CMPK1: variants seen among roughly 807,000 people sequenced by gnomAD.
CMPK1 encodes the protein UMP-CMP kinase.
A neutral mutation model predicts 25.7 loss-of-function variants in CMPK1; 10 were observed. The observed-to-expected ratio is 0.39, with a 90% CI of 0.24 to 0.66. The LOEUF is 0.66. CMPK1 is among the 30% of genes least tolerant of loss of function. The pLI, the probability that CMPK1 is intolerant of heterozygous loss-of-function variation, is 0.48. For missense variants in CMPK1, 199 were observed against 280.5 expected, an observed-to-expected ratio of 0.71 and a Z score of 2.08; for synonymous variants, 106 against 101.5, an observed-to-expected ratio of 1.04 and a Z score of -0.27.
chr1:47,348,828 T>C (rs1382511882), intron 1 of CMPK1, among the ~76,000 whole-genome samples: 1 of 152,200 alleles, frequency 6.6e-6, no homozygotes, highest in Admixed American at 6.6e-5. Context: ...TGTATAATTA[T>C]GTATGATTTA....
intron 2 of CMPK1, among the ~76,000 whole-genome samples, chr1:47,369,886 CTCTT>C (rs937725184): frequency 3.7e-4 from 53 of 143,026 alleles, no homozygotes; most frequent in Admixed American, 1.2e-3. Flanking sequence ...TTAAATAAAC[CTCTT>C]TCTTTCTTCT....
chr1:47,375,160 G>A (rs746444235), intron 4 of CMPK1, 37 bp from the exon 5 acceptor site: 2 of 1,486,284 alleles, frequency 1.3e-6, no homozygotes, highest in Admixed American at 3.4e-5. Context: ...AGAAAGGATA[G>A]ATACCTAGAA....
At chr1:47,373,248 C>A in intron 3 of CMPK1, 141 bp downstream of exon 3, 1 of 616,126 alleles carries the variant, frequency 1.6e-6, no homozygotes, top group Non-Finnish European at 2.5e-6. Flanking sequence ...CGGAACAGCA[C>A]TGTCTTGCTG....
intron 1 of CMPK1, among the ~76,000 whole-genome samples, chr1:47,357,577 C>T (rs534376433): frequency 3.3e-5 from 5 of 150,934 alleles, no homozygotes; most frequent in African/African-American, 7.3e-5. Context: ...CTCTGCCTCC[C>T]GGGTTCAAGC....
At chr1:47,334,903 C>T (rs1372307719) in intron 1 of CMPK1, among the ~76,000 whole-genome samples, 1 of 152,234 alleles carries the variant, frequency 6.6e-6, no homozygotes, top group Admixed American at 6.5e-5. Context: ...GGATATAAAA[C>T]ACCTCCCAAA....
chr1:47,353,595 A>G (rs984393278), intron 1 of CMPK1, among the ~76,000 whole-genome samples: 5 of 152,040 alleles, frequency 3.3e-5, no homozygotes, highest in African/African-American at 9.7e-5. Flanking sequence ...TTTTAATACC[A>G]TATGGTGGTT....
chr1:47,338,156 C>G (rs1393215896), intron 1 of CMPK1, among the ~76,000 whole-genome samples: 1 of 152,078 alleles, frequency 6.6e-6, no homozygotes, highest in Non-Finnish European at 1.5e-5. Flanking sequence ...ATGTTGATTT[C>G]CAACTCAGGC....
At chr1:47,337,655 C>T (rs1327934333) in intron 1 of CMPK1, among the ~76,000 whole-genome samples, 1 of 150,998 alleles carries the variant, frequency 6.6e-6, no homozygotes, top group Non-Finnish European at 1.5e-5. Context: ...ACGCTGTCGG[C>T]CAGGCTGGTG....
Position 47,373,027 on chromosome 1 carries a change from G to A in CMPK1, c.391G>A (p.Asp131Asn). ...FLIDGFPRNQDNLQGWNKTMD... is the reference protein window; with the variant it reads ...FLIDGFPRNQNNLQGWNKTMD... ...GATTGATGGGTTTCCAAGAAATCAA[G>A]ACAACCTTCAAGGATGGAACAAGAC... Residue 131 changes from aspartate to asparagine, a missense_variant, in exon 3 of 6, where the codon GAC becomes AAC. Asp to Asn is a conservative substitution (Grantham distance 23, BLOSUM62 1). Around this residue, in one of 2 missense-constraint regions of CMPK1, gnomAD observed 140 missense variants for 235.5 expected, o/e 0.59. Transcript: ENST00000371873. The A allele has an allele frequency of 6.2e-7, 1 of 1,613,340 alleles. No individual in the cohort carries two copies.
At chr1:47,334,452 G>T (rs1015969840) in intron 1 of CMPK1, among the ~76,000 whole-genome samples, 5 of 152,236 alleles carry the variant, frequency 3.3e-5, no homozygotes, top group Non-Finnish European at 7.3e-5. Flanking sequence ...GCGCGCAGAG[G>T]TTAGCGTGTC....
chr1:47,371,747 T>A (rs1008183235), intron 2 of CMPK1, among the ~76,000 whole-genome samples: 2 of 152,248 alleles, frequency 1.3e-5, no homozygotes, highest in African/African-American at 4.8e-5. Context: ...TGCTAAAGTC[T>A]ATAGCTCTAA....
intron 1 of CMPK1, among the ~76,000 whole-genome samples, chr1:47,343,048 G>A (rs773786227): frequency 5.4e-5 from 8 of 148,752 alleles, no homozygotes; most frequent in Middle Eastern, 3.6e-3. Context: ...GTGCAATGGC[G>A]TGATCTCTGC....
At chr1:47,359,316 C>T (rs966913242) in intron 1 of CMPK1, among the ~76,000 whole-genome samples, 2 of 147,322 alleles carry the variant, frequency 1.4e-5, no homozygotes, top group Non-Finnish European at 3.0e-5. Flanking sequence ...GACTCCATCT[C>T]TAAAAAAAAA....
At chr1:47,348,023 C>T (rs752459673) in intron 1 of CMPK1, among the ~76,000 whole-genome samples, 4 of 152,132 alleles carry the variant, frequency 2.6e-5, no homozygotes, top group Admixed American at 6.6e-5. Flanking sequence ...ACCCAGGGCA[C>T]TATTGTGAAT....
rs780734589 is a variant in CMPK1 at position 47,333,904 on chromosome 1, G to A, written c.-42G>A. 1 of 1,187,582 alleles carries A rather than the reference G, an allele frequency of 8.4e-7. No homozygotes were observed. Among genetic ancestry groups the A allele is most frequent in the Non-Finnish European group, 1.1e-6 (1 of 950,176 alleles). 73.6% of individuals were successfully genotyped at this position (1,187,582 alleles called of 1,614,324 possible). ...TCCCCGCCCCGCCCCGCGCCGCGCCGGCCGCTGTCAGCTCCCTCAGCGTCC... is the reference window on the plus strand; with the variant it reads ...TCCCCGCCCCGCCCCGCGCCGCGCCAGCCGCTGTCAGCTCCCTCAGCGTCC... On this transcript the variant is annotated 5_prime_UTR_variant, in exon 1 of 6. Transcript: ENST00000371873.
At chr1:47,341,764 G>A (rs1646443090) in intron 1 of CMPK1, among the ~76,000 whole-genome samples, 1 of 151,448 alleles carries the variant, frequency 6.6e-6, no homozygotes, top group Admixed American at 6.6e-5. Flanking sequence ...TCAGCCTCCC[G>A]AGTAGCTGGG....
chr1:47,375,563 C>G (rs1204132602), intron 5 of CMPK1, among the ~76,000 whole-genome samples: 11 of 151,844 alleles, frequency 7.2e-5, no homozygotes, highest in Admixed American at 7.2e-4. Flanking sequence ...TGAGTAAAAC[C>G]TAAAATGAGG....
intron 1 of CMPK1, among the ~76,000 whole-genome samples, chr1:47,343,938 C>T (rs995580026): frequency 2.7e-5 from 4 of 150,924 alleles, no homozygotes; most frequent in Admixed American, 2.0e-4. Context: ...CCTGGTGGTG[C>T]GTGCCTGTGG....
intron 2 of CMPK1, among the ~76,000 whole-genome samples, chr1:47,371,814 C>T (rs1316583187): frequency 6.6e-6 from 1 of 152,136 alleles, no homozygotes; most frequent in Non-Finnish European, 1.5e-5. Context: ...AACTACTAGG[C>T]CTTTATTTGA....
Sources: gnomAD v4.1 joint callset for allele counts (sites outside exome capture counted in the v4.1 genomes callset) on GRCh38, gnomAD v4.1.1 for gene constraint, gnomAD v4.1.1 regional missense constraint, MANE v1.5 for transcripts, NCBI Gene and HGNC (gene_info 2026-07-23, HGNC 2026-07-21) for gene names.